Variants in DPYD observed in about 807,000 individuals in gnomAD.
The protein encoded by DPYD is dihydropyrimidine dehydrogenase [NADP(+)].
DPYD carries 109 observed loss-of-function variants against 116.2 expected under a neutral mutation model. That is an observed-to-expected ratio of 0.94 (90% CI 0.80 to 1.10). DPYD has a LOEUF of 1.10. DPYD is among the 50% of genes least tolerant of loss of function. The probability of loss-of-function intolerance (pLI) is 0.00; values close to 1 mark genes in which losing one functional copy is unlikely to be tolerated. For missense variants in DPYD, 1,302 were observed against 1,254.5 expected, an observed-to-expected ratio of 1.04 and a Z score of -0.57; for synonymous variants, 440 against 432.0, an observed-to-expected ratio of 1.02 and a Z score of -0.23.
At chr1:97,718,277 T>C (rs1465306825) in intron 5 of DPYD, among the ~76,000 whole-genome samples, 1 of 151,962 alleles carries the variant, frequency 6.6e-6, no homozygotes, top group Non-Finnish European at 1.5e-5. Flanking sequence ...ATTTTGAGAA[T>C]TGTCTATTTG....
intron 13 of DPYD, among the ~76,000 whole-genome samples, chr1:97,499,354 T>A (rs1418023473): frequency 6.6e-6 from 1 of 151,806 alleles, no homozygotes; most frequent in Non-Finnish European, 1.5e-5. Flanking sequence ...AATAAATATT[T>A]TTATTTTACA....
At position 97,525,758 on chromosome 1, in the gene DPYD, T is replaced by TAGAGAGAGAGAGAGAGAGAG. The variant is rs58098297; in HGVS notation, c.1525-9837_1525-9818dup. On this transcript the variant is annotated intron_variant, in intron 12 of 22. Coordinates refer to ENST00000370192, the MANE Select transcript of DPYD (RefSeq NM_000110.4). ...AGAGTAAGTAATTGCCCTGGGTAAT[T>TAGAGAGAGAGAGAGAGAGAG]AGAGAGAGAGAGAGAGAGAGAGAGA... 4.0e-3 allele frequency among the ~76,000 whole-genome samples: 434 copies of TAGAGAGAGAGAGAGAGAGAG among 108,656 alleles called. 3 individuals are homozygous for TAGAGAGAGAGAGAGAGAGAG. The highest frequency in any genetic ancestry group is 0.011 in the East Asian group (37 of 3,408). 71.3% of individuals were successfully genotyped at this position (108,656 alleles called of 152,430 possible).
At chr1:97,238,524 G>A (rs1662108357) in intron 18 of DPYD, among the ~76,000 whole-genome samples, 1 of 152,128 alleles carries the variant, frequency 6.6e-6, no homozygotes. Flanking sequence ...CAGAAATGAA[G>A]TAATAATAGG....
At chr1:97,562,874 T>C (rs1445653616) in intron 11 of DPYD, among the ~76,000 whole-genome samples, 1 of 151,868 alleles carries the variant, frequency 6.6e-6, no homozygotes, top group Non-Finnish European at 1.5e-5. Context: ...TGTGCGCCAT[T>C]ACACCTGGCT....
At chr1:97,373,408 T>A (rs906253561) in intron 16 of DPYD, among the ~76,000 whole-genome samples, 153 bp downstream of exon 16, 4 of 152,234 alleles carry the variant, frequency 2.6e-5, no homozygotes, top group African/African-American at 9.6e-5. Context: ...ATTTTCCACT[T>A]TTTAAACACT....
chr1:97,080,978 A>G (rs1210510694), intron 22 of DPYD, among the ~76,000 whole-genome samples: 1 of 152,116 alleles, frequency 6.6e-6, no homozygotes, highest in East Asian at 1.9e-4. Flanking sequence ...GGACTTCCTG[A>G]TTGATCTCTG....
intron 19 of DPYD, among the ~76,000 whole-genome samples, chr1:97,207,892 T>G (rs1267601627): frequency 6.6e-6 from 1 of 152,178 alleles, no homozygotes; most frequent in Non-Finnish European, 1.5e-5. Context: ...CTTTAATTAT[T>G]TCAAGTTCAT....
chr1:97,439,774 C>CT (rs1289295134), intron 14 of DPYD, among the ~76,000 whole-genome samples: 5 of 151,614 alleles, frequency 3.3e-5, no homozygotes, highest in Non-Finnish European at 7.4e-5. Context: ...TCAATCTGCT[C>CT]TTTTTTTAGT....
intron 20 of DPYD, among the ~76,000 whole-genome samples, chr1:97,114,796 A>T (rs1289613066): frequency 6.6e-6 from 1 of 152,204 alleles, no homozygotes; most frequent in Non-Finnish European, 1.5e-5. Flanking sequence ...CAAATACCAT[A>T]TATTCCTGTT....
At chr1:97,146,080 T>A (rs960121745) in intron 20 of DPYD, among the ~76,000 whole-genome samples, 4 of 152,148 alleles carry the variant, frequency 2.6e-5, no homozygotes, top group African/African-American at 7.2e-5. Flanking sequence ...GGACTTGTTT[T>A]GTTGTTTGTT....
chr1:97,285,683 A>ATTT (rs113145453), intron 18 of DPYD, among the ~76,000 whole-genome samples: 7 of 138,506 alleles, frequency 5.1e-5, no homozygotes, highest in Non-Finnish European at 7.8e-5. Context: ...TGTTCCTTTA[A>ATTT]TTTTTTTTTT....
intron 8 of DPYD, among the ~76,000 whole-genome samples, chr1:97,634,827 T>C (rs1333447099): frequency 6.6e-6 from 1 of 151,680 alleles, no homozygotes; most frequent in Non-Finnish European, 1.5e-5. Flanking sequence ...TGTCTGGATA[T>C]AGTAAAACTG....
intron 16 of DPYD, among the ~76,000 whole-genome samples, chr1:97,356,035 A>G (rs1410795486): frequency 6.6e-6 from 1 of 152,152 alleles, no homozygotes; most frequent in African/African-American, 2.4e-5. Context: ...ATACTAATTT[A>G]CATTTCCACC....
At chr1:97,433,714 G>C (rs1296051864) in intron 14 of DPYD, among the ~76,000 whole-genome samples, 1 of 152,042 alleles carries the variant, frequency 6.6e-6, no homozygotes, top group African/African-American at 2.4e-5. Flanking sequence ...GAAAGGCCTT[G>C]GAAGGTTTTA....
chr1:97,221,752 G>A lies in DPYD; in HGVS notation c.2442+13100C>T, dbSNP rs368309376. ...CAGAACAATTTTGGAACATTTCTCT[G>A]TAAACTGGTAATTAAAATCAATTTA... is the stretch of plus-strand genomic sequence containing the variant. On this transcript the variant is annotated intron_variant, in intron 19 of 22. Transcript: ENST00000370192. 2.6e-5 allele frequency among the ~76,000 whole-genome samples: 4 copies of A among 152,156 alleles called. No individual in the cohort carries two copies. In the South Asian group the frequency reaches 8.3e-4, roughly 32 times the overall value.
At chr1:97,717,515 T>C (rs1662680555) in intron 5 of DPYD, among the ~76,000 whole-genome samples, 1 of 151,984 alleles carries the variant, frequency 6.6e-6, no homozygotes, top group Non-Finnish European at 1.5e-5. Flanking sequence ...TTAGTAGTGA[T>C]TTCTGAGACT....
At chr1:97,744,788 C>T (rs1202045596) in intron 3 of DPYD, among the ~76,000 whole-genome samples, 2 of 151,978 alleles carry the variant, frequency 1.3e-5, no homozygotes, top group African/African-American at 4.8e-5. Flanking sequence ...TTAATATCTT[C>T]CTCAGTGGTG....
chr1:97,870,671 C>T (rs1671610737), intron 2 of DPYD, among the ~76,000 whole-genome samples: 1 of 151,784 alleles, frequency 6.6e-6, no homozygotes, highest in South Asian at 2.1e-4. Flanking sequence ...ATATTTCCTA[C>T]ATTGGAAATC....
chr1:97,471,925 C>A (rs1471578591), intron 13 of DPYD, among the ~76,000 whole-genome samples: 2 of 152,112 alleles, frequency 1.3e-5, no homozygotes, highest in Admixed American at 1.3e-4. Flanking sequence ...TGAAGTAGTG[C>A]CTTCAGTTTT....
Sources: gnomAD v4.1 joint callset for allele counts (sites outside exome capture counted in the v4.1 genomes callset) on GRCh38, gnomAD v4.1.1 for gene constraint, MANE v1.5 for transcripts, NCBI Gene and HGNC (gene_info 2026-07-23, HGNC 2026-07-21) for gene names.